Variants in TECPR1 observed in about 807,000 individuals in gnomAD.
TECPR1 encodes tectonin beta-propeller repeat containing 1.
Under a neutral mutation model 162.4 loss-of-function variants are expected in TECPR1, and 122 were observed. That is an observed-to-expected ratio of 0.75 (90% CI 0.65 to 0.87). The LOEUF is 0.87. TECPR1 is among the 40% of genes least tolerant of loss of function. The pLI is 0.00. For missense variants in TECPR1, 1,432 were observed against 1,618.2 expected, an observed-to-expected ratio of 0.88 and a Z score of 1.97; for synonymous variants, 642 against 670.6, an observed-to-expected ratio of 0.96 and a Z score of 0.66.
intron 23 of TECPR1, among the ~76,000 whole-genome samples, chr7:98,220,158 A>G (rs1278061779): frequency 1.3e-5 from 2 of 151,840 alleles, no homozygotes; most frequent in East Asian, 2.0e-4. Context: ...CCTGCCCAAC[A>G]TGGCGAAACC....
intron 17 of TECPR1, among the ~76,000 whole-genome samples, chr7:98,227,646 C>T (rs1456348349): frequency 2.0e-5 from 3 of 151,656 alleles, no homozygotes; most frequent in African/African-American, 7.3e-5. Flanking sequence ...CATGGTAAAA[C>T]CCTGTCTCTA....
In TECPR1 at chr7:98,223,654, T is replaced by C; in HGVS notation, c.2747+8A>G. 1 of 1,613,634 alleles carries C rather than the reference T, an allele frequency of 6.2e-7. No homozygotes were observed. The highest frequency in any genetic ancestry group is 8.5e-7 in the Non-Finnish European group (1 of 1,179,722). ...GACCGTGACAGTCACCCTGCAGCCCTGCCTCACCTGGCCCAGCACCTCCTC... is the reference window on the plus strand; with the variant it reads ...GACCGTGACAGTCACCCTGCAGCCCCGCCTCACCTGGCCCAGCACCTCCTC... On this transcript the variant is annotated splice_region_variant and intron_variant, in intron 20 of 25. Coordinates refer to ENST00000447648, the MANE Select transcript of TECPR1 (RefSeq NM_015395.3).
At chr7:98,228,752 C>CG (rs1798344792) in intron 16 of TECPR1, 6 of 348,320 alleles carry the variant, frequency 1.7e-5, no homozygotes, top group Non-Finnish European at 3.2e-5. Context: ...CAGCGAGTGC[C>CG]TACCCTGAAG....
chr7:98,232,765 C>T lies in TECPR1; in HGVS notation c.1818+62G>A, dbSNP rs1007040092. 5.4e-6 allele frequency: 8 copies of T among 1,478,616 alleles called. No individual in the cohort carries two copies. Among genetic ancestry groups the T allele is most frequent in the South Asian group, 2.7e-5 (2 of 73,620 alleles). 91.6% of individuals were successfully genotyped at this position (1,478,616 alleles called of 1,614,324 possible). On this transcript the variant is annotated intron_variant, in intron 12 of 25. Coordinates refer to ENST00000447648, the MANE Select transcript of TECPR1 (RefSeq NM_015395.3). The surrounding 1 kb of genome is among the most constrained non-coding windows in gnomAD (Gnocchi z 4.6). Reference sequence around the variant, plus strand: ...TCTCTCAGAGCTGGTACACAGCAGGCGCTCAATGAATGATTGCTGGAAAAA... The same window carrying T: ...TCTCTCAGAGCTGGTACACAGCAGGTGCTCAATGAATGATTGCTGGAAAAA...
At chr7:98,221,324 A>G (rs906081138) in intron 23 of TECPR1, among the ~76,000 whole-genome samples, 5 of 152,134 alleles carry the variant, frequency 3.3e-5, no homozygotes, top group Non-Finnish European at 7.4e-5. Context: ...AATAACAATA[A>G]TAACTAAAAG....
rs201185391 is a variant in TECPR1, at chr7:98,221,758, G to A, written c.3065-5C>T. 4.2e-3 allele frequency: 6,803 copies of A among 1,610,822 alleles called. 20 individuals are homozygous for A. The highest frequency in any genetic ancestry group is 5.1e-3 in the Non-Finnish European group (5,991 of 1,178,378). ...GGATGTGGTACCAGCAGTCACCTGC[G>A]AAGGGGAGGCTGACTCAGGCACGCT... is the stretch of plus-strand genomic sequence containing the variant. On this transcript the variant is annotated splice_polypyrimidine_tract_variant and splice_region_variant and intron_variant, in intron 22 of 25. Coordinates refer to ENST00000447648, the MANE Select transcript of TECPR1 (RefSeq NM_015395.3).
chr7:98,222,850 C>A, intron 21 of TECPR1, 140 bp downstream of exon 21: 3 of 1,180,714 alleles, frequency 2.5e-6, no homozygotes, highest in Non-Finnish European at 2.4e-6. Flanking sequence ...GGGCCAACTG[C>A]CCCAGGGCAC....
At position 98,236,924 on chromosome 7, in the gene TECPR1, G is replaced by A; in HGVS notation, c.1036-3C>T. ...TCCTCACAGCCAATGCCCCACACCT[G>A]GAAGAGAGAGGCTGTGTTCCGAGGA... On this transcript the variant is annotated splice_region_variant and splice_polypyrimidine_tract_variant and intron_variant, in intron 9 of 25. Transcript: ENST00000447648. The A allele has an allele frequency of 6.5e-7, 1 of 1,545,094 alleles. No individual in the cohort carries two copies. The highest frequency in any genetic ancestry group is 8.7e-7 in the Non-Finnish European group (1 of 1,143,902).
chr7:98,223,607 A>C, intron 20 of TECPR1, 55 bp downstream of exon 20: 1 of 1,596,234 alleles, frequency 6.3e-7, no homozygotes, highest in South Asian at 1.1e-5. Flanking sequence ...AGCTCCCTCA[A>C]GGGTGGCTCC....
rs1412976402 is a variant in TECPR1, at chr7:98,218,061, A to C, written c.3158-19T>G. The C allele has an allele frequency of 3.9e-6, 6 of 1,544,624 alleles. No individual in the cohort carries two copies. Among genetic ancestry groups the C allele is most frequent in the Non-Finnish European group, 4.4e-6 (5 of 1,141,788 alleles). On this transcript the variant is annotated intron_variant, in intron 23 of 25. Transcript: ENST00000447648. ...AGGTTTCCTGGGGAGAAAAGCAGTG[A>C]GGGTCAAAGGGGAAGACCTTCCCGG...
In TECPR1 at chr7:98,233,536, T is replaced by C. The variant is rs1584340619; in HGVS notation, c.1557A>G (p.Pro519=). ...TTSLSSLGLL[P]LGLEEPYGVD... ...CCCCATACGGCTCCTCCAAGCCCAG[T>C]GGGAGGAGCCCCAGAGAGGAGAGGC... Residue 519 remains proline, a synonymous_variant, in exon 11 of 26, where the codon CCA becomes CCG. Coordinates refer to ENST00000447648, the MANE Select transcript of TECPR1 (RefSeq NM_015395.3). 6.3e-7 allele frequency: 1 copy of C among 1,587,402 alleles called. No individual in the cohort carries two copies. The highest frequency in any genetic ancestry group is 8.6e-7 in the Non-Finnish European group (1 of 1,169,516).
Position 98,217,445 on chromosome 7 carries a change from G to C in TECPR1, c.3443C>G (p.Ser1148Cys), listed in dbSNP as rs1798039828. The C allele has an allele frequency of 1.2e-6, 2 of 1,609,932 alleles. No individual in the cohort carries two copies. The highest frequency in any genetic ancestry group is 2.7e-5 in the African/African-American group (2 of 74,896). ...TGGGGCACTCGGCTCCTGCTCCTGG[G>C]ACGAGCTCCGGGGGGCCCTGGTGGC... is the stretch of plus-strand genomic sequence containing the variant. ...ANATRAPRSSSQEQEPSAPPE... is the reference protein window; with the variant it reads ...ANATRAPRSSCQEQEPSAPPE... The change falls in exon 26 of 26, where the codon TCC becomes TGC. Residue 1148 changes from serine (S) to cysteine (C), a missense_variant. By Grantham distance (112) the Ser-to-Cys change is moderately radical. Coordinates refer to ENST00000447648, the MANE Select transcript of TECPR1 (RefSeq NM_015395.3).
At chr7:98,230,122 G>A (rs187752509) in intron 15 of TECPR1, among the ~76,000 whole-genome samples, 14 of 151,352 alleles carry the variant, frequency 9.2e-5, no homozygotes, top group African/African-American at 3.2e-4. Context: ...TCAGCCCTCC[G>A]AGCAGCTGGA....
chr7:98,243,741 G>T, intron 5 of TECPR1, 149 bp from the exon 6 acceptor site: 1 of 1,116,654 alleles, frequency 9.0e-7, no homozygotes, highest in Non-Finnish European at 1.2e-6. Context: ...CATCAGGACT[G>T]TGGGGGCCCC....
chr7:98,236,714 C>T (rs968329976), intron 10 of TECPR1, 62 bp downstream of exon 10: 7 of 1,550,380 alleles, frequency 4.5e-6, no homozygotes, highest in South Asian at 2.4e-5. Flanking sequence ...CTGGACATGA[C>T]CACCTAGGCT....
In TECPR1 at chr7:98,237,460, A is replaced by AGTTTT. The variant is rs943987680; in HGVS notation, c.1036-544_1036-540dup. Among the ~76,000 whole-genome samples, 13 of 151,026 alleles carry AGTTTT rather than the reference A, an allele frequency of 8.6e-5. No individual in the cohort carries two copies. In the East Asian group the frequency reaches 1.2e-3, roughly 14 times the overall value. Reference sequence around the variant, plus strand: ...AGGCTCCCATCACCACACCCAGCTAAGTTTTGTTTTGTTTTGTTTTGTTTT... The same window carrying AGTTTT: ...AGGCTCCCATCACCACACCCAGCTAAGTTTTGTTTTGTTTTGTTTTGTTTTGTTTT... On this transcript the variant is annotated intron_variant, in intron 9 of 25. Transcript: ENST00000447648.
chr7:98,221,521 C>T, intron 23 of TECPR1, 140 bp downstream of exon 23: 2 of 658,656 alleles, frequency 3.0e-6, no homozygotes, highest in Middle Eastern at 4.1e-4. Context: ...CTGTGTCATG[C>T]AGACCATGTT....
At chr7:98,250,732 A>G (rs993713752) in intron 2 of TECPR1, among the ~76,000 whole-genome samples, 3 of 152,232 alleles carry the variant, frequency 2.0e-5, no homozygotes, top group African/African-American at 7.2e-5. Context: ...CTCAGTCTGC[A>G]GGTTGAGCTC....
chr7:98,216,602 G>A lies in TECPR1; in HGVS notation c.*788C>T, dbSNP rs1393925962. 1.4e-5 allele frequency: 2 copies of A among 144,928 alleles called. No homozygotes were observed. Among genetic ancestry groups the A allele is most frequent in the Non-Finnish European group, 3.0e-5 (2 of 66,922 alleles). The allele number at this position is 144,928 out of a possible 1,614,324, so 9.0% of individuals were successfully genotyped here. On this transcript the variant is annotated 3_prime_UTR_variant, in exon 26 of 26. Transcript: ENST00000447648. ...TTGAGATGGAGTCTCTGTCGCCCAG[G>A]CTGGAGTGCAGTGGCATGATCTCGG... is the stretch of plus-strand genomic sequence containing the variant.
Sources: allele counts gnomAD v4.1 joint callset (sites outside exome capture counted in the v4.1 genomes callset), GRCh38; gene constraint gnomAD v4.1.1; non-coding constraint Gnocchi (gnomAD v3.1); transcripts MANE v1.5; gene names NCBI Gene and HGNC (gene_info 2026-07-23, HGNC 2026-07-21).